Variants in BCKDHB observed in about 807,000 individuals in gnomAD.
The protein encoded by BCKDHB is branched chain keto acid dehydrogenase E1 subunit beta.
BCKDHB carries 41 observed loss-of-function variants against 48.5 expected under a neutral mutation model. The ratio of observed to expected loss-of-function variants is 0.85; its 90% CI spans 0.66 to 1.10. BCKDHB has a LOEUF of 1.10. Ranked by LOEUF, BCKDHB falls within the 50% of genes least tolerant of loss-of-function variation. BCKDHB has a pLI of 0.00. For missense variants in BCKDHB, 496 were observed against 494.2 expected (o/e 1.00, Z -0.03); for synonymous variants, 201 against 174.8 (o/e 1.15, Z -1.18).
At chr6:80,437,328 C>T in the BCKDHB span, among the ~76,000 whole-genome samples, 2 of 152,152 alleles carry the variant, frequency 1.3e-5, no homozygotes, top group East Asian at 1.9e-4. Flanking sequence ...CTTAAGATTA[C>T]TCATGTATGC....
At chr6:80,427,521 A>C in the BCKDHB span, among the ~76,000 whole-genome samples, 882 of 152,254 alleles carry the variant, frequency 5.8e-3, 5 homozygotes, top group Middle Eastern at 0.02. Context: ...AAAAGACTTT[A>C]CATTTATCCA....
intron 8 of BCKDHB, among the ~76,000 whole-genome samples, chr6:80,206,498 AG>A (rs1165170250): frequency 6.6e-6 from 1 of 151,740 alleles, no homozygotes; most frequent in Non-Finnish European, 1.5e-5. Context: ...AGAGAAAATA[AG>A]GAACAAAAGA....
the BCKDHB span, among the ~76,000 whole-genome samples, chr6:80,390,132 A>AG: frequency 6.6e-6 from 1 of 152,234 alleles, no homozygotes; most frequent in Non-Finnish European, 1.5e-5. Flanking sequence ...CAGACTAACA[A>AG]GATGAAATCA....
rs1770175738 is a variant in BCKDHB, at chr6:80,345,863, T to G, written c.*2059T>G. 6.6e-6 allele frequency: 1 copy of G among 152,228 alleles called. No individual in the cohort carries two copies. Among genetic ancestry groups the G allele is most frequent in the African/African-American group, 2.4e-5 (1 of 41,464 alleles). The allele number at this position is 152,228 out of a possible 1,614,324, so 9.4% of individuals were successfully genotyped here. A position where few individuals can be genotyped will look rare whatever the true frequency, so the allele number is the denominator to read the frequency against. ...GAAACATAAGAAAAACATTTAAACC[T>G]ATGCTGAAAATACGATAAAAGAAAA... is the stretch of plus-strand genomic sequence containing the variant. On this transcript the variant is annotated 3_prime_UTR_variant, in exon 10 of 10. Transcript: ENST00000320393.
chr6:80,293,404 C>G lies in BCKDHB; in HGVS notation c.1038+20183C>G, dbSNP rs7773508. On this transcript the variant is annotated intron_variant, in intron 9 of 9. Transcript: ENST00000320393. ...GCTTGCACCCTCTAAAGCCACAGCCCAAGCTGTGCCTTGGCCCCTTTTAGC... is the reference window on the plus strand; with the variant it reads ...GCTTGCACCCTCTAAAGCCACAGCCGAAGCTGTGCCTTGGCCCCTTTTAGC... 9.3e-3 allele frequency among the ~76,000 whole-genome samples: 1,414 copies of G among 152,322 alleles called. 29 individuals are homozygous for G. The highest frequency in any genetic ancestry group is 0.032 in the African/African-American group (1,345 of 41,578).
the BCKDHB span, among the ~76,000 whole-genome samples, chr6:80,367,663 C>T: frequency 4.6e-5 from 7 of 152,210 alleles, no homozygotes; most frequent in Non-Finnish European, 5.9e-5. Flanking sequence ...CTGGTTTGAA[C>T]AGAAAGCATA....
At chr6:80,201,124 T>G in intron 7 of BCKDHB, 93 bp downstream of exon 7, 1 of 1,057,716 alleles carries the variant, frequency 9.5e-7, no homozygotes, top group South Asian at 1.3e-5. Context: ...AAACGATGTT[T>G]TCTTTATATC....
chr6:80,343,172 T>C (rs80016707), intron 9 of BCKDHB, among the ~76,000 whole-genome samples: 1,988 of 152,258 alleles, frequency 0.013, 32 homozygotes, highest in African/African-American at 0.046. Context: ...AGCTAGACTA[T>C]GAGAGAGATG....
chr6:80,170,218 AG>A (rs1167477655), intron 5 of BCKDHB, among the ~76,000 whole-genome samples: 1 of 152,206 alleles, frequency 6.6e-6, no homozygotes, highest in African/African-American at 2.4e-5. Context: ...TACAGAAAAT[AG>A]TGACATTTTT....
intron 8 of BCKDHB, among the ~76,000 whole-genome samples, chr6:80,210,306 A>T (rs73482011): frequency 0.072 from 10,912 of 152,150 alleles, 582 homozygotes; most frequent in South Asian, 0.24. Context: ...ATGTATATTC[A>T]TCTCATAAAC....
At chr6:80,245,011 G>T (rs1394766002) in intron 8 of BCKDHB, among the ~76,000 whole-genome samples, 2 of 151,992 alleles carry the variant, frequency 1.3e-5, no homozygotes, top group Admixed American at 1.3e-4. Context: ...GTGGTTCTTG[G>T]TTCTACTATT....
chr6:80,258,155 G>A (rs566247858), intron 8 of BCKDHB, among the ~76,000 whole-genome samples: 21 of 152,098 alleles, frequency 1.4e-4, no homozygotes, highest in Admixed American at 3.9e-4. Flanking sequence ...TTTTATCATA[G>A]AATTTTGCTT....
At chr6:80,329,241 C>A (rs1458127013) in intron 9 of BCKDHB, among the ~76,000 whole-genome samples, 1 of 152,114 alleles carries the variant, frequency 6.6e-6, no homozygotes, top group South Asian at 2.1e-4. Context: ...TTTAGTATTA[C>A]TCCTTAAAAA....
At chr6:80,200,126 TTA>T (rs1381061014) in intron 6 of BCKDHB, among the ~76,000 whole-genome samples, 6 of 151,710 alleles carry the variant, frequency 4.0e-5, no homozygotes, top group African/African-American at 9.7e-5. Flanking sequence ...CTGGGCAGTT[TTA>T]TCAACTTCGT....
In BCKDHB at chr6:80,169,782, C is replaced by T. The variant is rs745654575; in HGVS notation, c.633+752C>T. The stretch of plus-strand genomic sequence containing the variant: ...TGTGAGCATGTGTCTATGTTTTATT[C>T]TTTTTTTCTTATTTGTTTTTTCTAC... On this transcript the variant is annotated intron_variant, in intron 5 of 9. Coordinates refer to ENST00000320393, the MANE Select transcript of BCKDHB (RefSeq NM_183050.4). 7.6e-6 allele frequency: 12 copies of T among 1,587,614 alleles called. No homozygotes were observed. In the East Asian group the frequency reaches 9.0e-5, roughly 12 times the overall value.
chr6:80,260,844 A>G (rs189142690), intron 8 of BCKDHB, among the ~76,000 whole-genome samples: 14 of 152,336 alleles, frequency 9.2e-5, no homozygotes, highest in South Asian at 2.1e-4. Context: ...GGGCAAAGAT[A>G]ACATAACAGA....
intron 1 of BCKDHB, among the ~76,000 whole-genome samples, chr6:80,121,253 T>C (rs1770003388): frequency 1.3e-5 from 2 of 152,362 alleles, no homozygotes; most frequent in East Asian, 1.9e-4. Flanking sequence ...CCATGCTGTT[T>C]TGGTTACTGT....
intron 1 of BCKDHB, 96 bp downstream of exon 1, chr6:80,106,985 T>C (rs879770709): frequency 8.3e-6 from 12 of 1,437,326 alleles, no homozygotes; most frequent in Non-Finnish European, 1.1e-5. Context: ...CTGCAATCCT[T>C]GCATCCCAGC....
chr6:80,289,495 G>A (rs544661348), intron 9 of BCKDHB, among the ~76,000 whole-genome samples: 5 of 152,114 alleles, frequency 3.3e-5, no homozygotes, highest in Non-Finnish European at 7.4e-5. Context: ...CTGTAATCTG[G>A]GCAGATCTTC....
Sources: allele counts gnomAD v4.1 joint callset (sites outside exome capture counted in the v4.1 genomes callset), GRCh38; gene constraint gnomAD v4.1.1; transcripts MANE v1.5; gene names NCBI Gene and HGNC (gene_info 2026-07-23, HGNC 2026-07-21).